The following ZNF214 variants were observed in gnomAD, a reference collection of about 807,000 sequenced individuals.
The protein encoded by ZNF214 is BWSCR2-associated zinc finger protein 1.
In ZNF214, 43 loss-of-function variants were observed where a neutral mutation model predicts 53.9. The observed-to-expected ratio is 0.80, with a 90% CI of 0.63 to 1.03. The LOEUF (loss-of-function observed/expected upper bound fraction) is 1.03, where lower values mean the gene tolerates loss of function less well. Ranked by LOEUF, ZNF214 falls within the 50% of genes least tolerant of loss-of-function variation. The pLI, the probability that ZNF214 is intolerant of heterozygous loss-of-function variation, is 0.00. For synonymous variants in ZNF214, 217 were observed against 229.5 expected (o/e 0.95, Z 0.49); for missense variants, 724 against 719.1 (o/e 1.01, Z -0.08).
Position 6,998,435 on chromosome 11 carries a change from C to A in ZNF214, c.*1427G>T, listed in dbSNP as rs141862914. Among the ~76,000 whole-genome samples, 4 of 152,090 alleles carry A rather than the reference C, an allele frequency of 2.6e-5. No individual in the cohort carries two copies. The highest frequency in any genetic ancestry group is 5.9e-5 in the Non-Finnish European group (4 of 67,928). ...TTTAATTCTCACACTGGACCTCCAT[C>A]CTCTGATATTCATATCTGTTCTTTC... On this transcript the variant is annotated 3_prime_UTR_variant, in exon 3 of 3. Coordinates refer to ENST00000278314, the MANE Select transcript of ZNF214 (RefSeq NM_013249.4).
At chr11:7,002,884 T>C in intron 1 of ZNF214, 29 bp from the exon 2 acceptor site, 3 of 1,544,664 alleles carry the variant, frequency 1.9e-6, no homozygotes, top group East Asian at 2.3e-5. Flanking sequence ...AGTGAGAAGA[T>C]GGACAAAGAT....
At chr11:7,002,962 A>G (rs1249589611) in intron 1 of ZNF214, 107 bp from the exon 2 acceptor site, 1 of 1,112,096 alleles carries the variant, frequency 9.0e-7, no homozygotes, top group Non-Finnish European at 1.2e-6. Flanking sequence ...GTAAAGGAGA[A>G]AACCAAGAAA....
In ZNF214 at chr11:6,999,705, C is replaced by G; in HGVS notation, c.*157G>C. ...TATATAGGGTTTTTTCTAAAGATCT[C>G]CTTTTGAAGCAAATAATTCTTAGTG... On this transcript the variant is annotated 3_prime_UTR_variant, in exon 3 of 3. Coordinates refer to ENST00000278314, the MANE Select transcript of ZNF214 (RefSeq NM_013249.4). 1 of 757,700 alleles carries G rather than the reference C, an allele frequency of 1.3e-6. No individual in the cohort carries two copies. The highest frequency in any genetic ancestry group is 1.7e-5 in the African/African-American group (1 of 57,218). The allele number at this position is 757,700 out of a possible 1,614,324, so 46.9% of individuals were successfully genotyped here.
At position 6,999,968 on chromosome 11, in the gene ZNF214, T is replaced by A; in HGVS notation, c.1715A>T (p.His572Leu). The change falls in exon 3 of 3, where the codon CAT (histidine) becomes CTT (leucine). Residue 572 changes from histidine to leucine, a missense_variant. By Grantham distance (99) the His-to-Leu change is moderately conservative (BLOSUM62 -3). Transcript: ENST00000278314. ...TTTCTCTCCTGCATGGACTCTTTGA[T>A]GAATTCGAAGAGCTGAGCTATGACT... ...GFSHSSALRI[H>L]QRVHAGEKPY... The A allele has an allele frequency of 6.2e-7, 1 of 1,613,250 alleles. No homozygotes were observed. The highest frequency in any genetic ancestry group is 8.5e-7 in the Non-Finnish European group (1 of 1,179,486).
At position 7,010,958 on chromosome 11, in the gene ZNF214, A is replaced by G. The variant is rs557950450; in HGVS notation, c.-20-8103T>C. ...GGATCAATTCCCAGTGAAGTATAAA[A>G]AAAATAAAATGGCAAAATAGATGAA... On this transcript the variant is annotated intron_variant, in intron 1 of 2. Coordinates refer to ENST00000278314, the MANE Select transcript of ZNF214 (RefSeq NM_013249.4). Among the ~76,000 whole-genome samples, 391 of 99,462 alleles carry G rather than the reference A, an allele frequency of 3.9e-3. 3 individuals are homozygous for G. Among genetic ancestry groups the G allele is most frequent in the African/African-American group, 0.011 (383 of 34,182 alleles). 65.3% of individuals were successfully genotyped at this position (99,462 alleles called of 152,430 possible).
Position 6,998,523 on chromosome 11 carries a change from C to T in ZNF214, c.*1339G>A, listed in dbSNP as rs1002252837. 6.6e-6 allele frequency among the ~76,000 whole-genome samples: 1 copy of T among 151,958 alleles called. No homozygotes were observed. The highest frequency in any genetic ancestry group is 1.5e-5 in the Non-Finnish European group (1 of 67,936). On this transcript the variant is annotated 3_prime_UTR_variant, in exon 3 of 3. Coordinates refer to ENST00000278314, the MANE Select transcript of ZNF214 (RefSeq NM_013249.4). ...AGATCAGATCAAGTTTATCTATTAA[C>T]TATCAATTATTTTATATTCTTCAGT... is the stretch of plus-strand genomic sequence containing the variant.
intron 1 of ZNF214, among the ~76,000 whole-genome samples, chr11:7,009,923 T>A (rs1272198006): frequency 6.6e-6 from 1 of 152,074 alleles, no homozygotes; most frequent in Non-Finnish European, 1.5e-5. Context: ...AATAATAAGA[T>A]GCTGACAAAG....
chr11:6,997,212 G>T lies in ZNF214; in HGVS notation c.*2650C>A, dbSNP rs1347771885. On this transcript the variant is annotated 3_prime_UTR_variant, in exon 3 of 3. Coordinates refer to ENST00000278314, the MANE Select transcript of ZNF214 (RefSeq NM_013249.4). ...AGAAAACTAATGATTTTGTATTTTT[G>T]CCCAACTTAATGAGTTTAAATTAGT... Among the ~76,000 whole-genome samples the T allele has an allele frequency of 6.6e-6, 1 of 151,526 alleles. No individual in the cohort carries two copies. The highest frequency in any genetic ancestry group is 1.5e-5 in the Non-Finnish European group (1 of 67,736).
At chr11:7,003,213 G>A (rs1207301143) in intron 1 of ZNF214, among the ~76,000 whole-genome samples, 2 of 151,892 alleles carry the variant, frequency 1.3e-5, no homozygotes, top group East Asian at 3.9e-4. Context: ...TATTTTAGTG[G>A]AAAGAACAGA....
At position 7,000,126 on chromosome 11, in the gene ZNF214, G is replaced by A; in HGVS notation, c.1557C>T (p.Val519=). The A allele has an allele frequency of 6.2e-7, 1 of 1,613,180 alleles. No individual in the cohort carries two copies. The highest frequency in any genetic ancestry group is 8.5e-7 in the Non-Finnish European group (1 of 1,179,554). The change falls in exon 3 of 3, where the codon GTC becomes GTT. Residue 519 remains valine, a synonymous_variant. Coordinates refer to ENST00000278314, the MANE Select transcript of ZNF214 (RefSeq NM_013249.4). ...ATTTATAGGGCTTTTCTCCTGTATG[G>A]ACTCTCTGATGAATGAGAAGATGTG... ...QRSHLLIHQR[V]HTGEKPYKCH... is the part of the protein sequence containing the mutation.
At chr11:7,013,205 A>G (rs755555681) in intron 1 of ZNF214, among the ~76,000 whole-genome samples, 2 of 152,198 alleles carry the variant, frequency 1.3e-5, no homozygotes, top group African/African-American at 4.8e-5. Context: ...TATCACTTCT[A>G]CTGTACTCCA....
rs112899561 is a variant in ZNF214 at position 7,000,874 on chromosome 11, A to G, written c.809T>C (p.Ile270Thr). 3.7e-5 allele frequency: 59 copies of G among 1,613,082 alleles called. No individual in the cohort carries two copies. The African/African-American group carries it at 4.7e-4, about 13-fold the overall frequency. ...ATCACATCCGTACAGCTTCTTACCT[A>G]TGTGGTTTCTTGGATGTCTATACAA... ...SDLYRHPRNH[I>T]GKKLYGCDEV... Residue 270 changes from isoleucine (I) to threonine (T), a missense_variant, in exon 3 of 3, where the codon ATA becomes ACA. Coordinates refer to ENST00000278314, the MANE Select transcript of ZNF214 (RefSeq NM_013249.4).
chr11:7,008,804 G>A (rs999500746), intron 1 of ZNF214, among the ~76,000 whole-genome samples: 5 of 152,020 alleles, frequency 3.3e-5, no homozygotes, highest in African/African-American at 1.2e-4. Context: ...TCCAAGCTGA[G>A]AGCCAAATCA....
intron 1 of ZNF214, among the ~76,000 whole-genome samples, chr11:7,010,881 A>C (rs1851591798): frequency 6.6e-6 from 1 of 151,940 alleles, no homozygotes; most frequent in African/African-American, 2.4e-5. Context: ...TATATATATA[A>C]GGATATTTAT....
chr11:7,002,654 C>A, intron 2 of ZNF214, 55 bp downstream of exon 2: 1 of 1,492,290 alleles, frequency 6.7e-7, no homozygotes. Context: ...ACAAAATACT[C>A]AACAAAACTG....
At chr11:7,018,494 A>ATTTTTT (rs1589849894) in intron 1 of ZNF214, among the ~76,000 whole-genome samples, 7 of 70,420 alleles carry the variant, frequency 9.9e-5, no homozygotes, top group Admixed American at 1.8e-4. Flanking sequence ...CAATGTTAAG[A>ATTTTTT]CTTTTTTTTT....
At position 7,001,320 on chromosome 11, in the gene ZNF214, C is replaced by CAGTT; in HGVS notation, c.359_362dup (p.Phe123AspfsTer3). 6.2e-7 allele frequency: 1 copy of CAGTT among 1,613,128 alleles called. No individual in the cohort carries two copies. Among genetic ancestry groups the CAGTT allele is most frequent in the East Asian group, 2.2e-5 (1 of 44,860 alleles). ...TCCTGAGACTTTTGCTTTCAAAAGT[C>CAGTT]AGTTCATAGTTCCCATACCCTGGTA... On this transcript the variant is annotated frameshift_variant, in exon 3 of 3. Transcript: ENST00000278314. LOFTEE classifies it high-confidence loss of function.
At chr11:7,014,818 A>AC in intron 1 of ZNF214, among the ~76,000 whole-genome samples, 2 of 147,376 alleles carry the variant, frequency 1.4e-5, no homozygotes, top group African/African-American at 4.9e-5. Flanking sequence ...AAAAAAAAAA[A>AC]ACAAAAAAAA....
intron 1 of ZNF214, chr11:7,016,023 A>T (rs1191554727): frequency 1.3e-5 from 2 of 151,768 alleles, no homozygotes; most frequent in Non-Finnish European, 2.9e-5. Context: ...AAATGATGAC[A>T]TCTGGCAAAA....
Sources: gnomAD v4.1 joint callset for allele counts (sites outside exome capture counted in the v4.1 genomes callset) on GRCh38, gnomAD v4.1.1 for gene constraint, MANE v1.5 for transcripts, NCBI Gene and HGNC (gene_info 2026-07-23, HGNC 2026-07-21) for gene names.